CGN: variants seen among roughly 807,000 people sequenced by gnomAD.
CGN encodes the protein cingulin.
CGN carries 121 observed loss-of-function variants against 157.1 expected under a neutral mutation model. The ratio of observed to expected loss-of-function variants is 0.77; its 90% CI spans 0.66 to 0.90. The LOEUF is 0.90. Among genes scored for constraint, CGN ranks in the 40% least tolerant of loss-of-function variants. The pLI is 0.00. For missense variants in CGN, 1,424 were observed against 1,520.9 expected, an observed-to-expected ratio of 0.94 and a Z score of 1.06; for synonymous variants, 535 against 607.5, an observed-to-expected ratio of 0.88 and a Z score of 1.76.
At position 151,532,585 on chromosome 1, in the gene CGN, T is replaced by C; in HGVS notation, c.2742+13T>C. 1 of 1,442,306 alleles carries C rather than the reference T, an allele frequency of 6.9e-7. No homozygotes were observed. The highest frequency in any genetic ancestry group is 9.2e-7 in the Non-Finnish European group (1 of 1,091,158). The allele number at this position is 1,442,306 out of a possible 1,614,324, so 89.3% of individuals were successfully genotyped here. ...ACTTCAGGATGAGGTAGAAGTCTAA[T>C]ATCCTTGGGTTTGAAGGTCCTTGCC... On this transcript the variant is annotated intron_variant, in intron 14 of 20. Coordinates refer to ENST00000271636, the MANE Select transcript of CGN (RefSeq NM_020770.3).
chr1:151,529,491 G>T lies in CGN; in HGVS notation c.2038G>T (p.Glu680Ter), dbSNP rs1664778860. Residue 680 changes from glutamate (E) to a stop codon, truncating the protein, a stop_gained, in exon 11 of 21, where the codon GAA becomes TAA. Coordinates refer to ENST00000271636, the MANE Select transcript of CGN (RefSeq NM_020770.3). LOFTEE classifies it high-confidence loss of function. The part of the protein sequence containing the change: ...RVEADRGREL[E>*]EQNLQLQKTL... The stretch of plus-strand genomic sequence containing the variant: ...CGAGGCTGATCGAGGTCGGGAGCTG[G>T]AAGAACAGAACCTCCAGCTACAAAA... 6.2e-7 allele frequency: 1 copy of T among 1,613,968 alleles called. No individual in the cohort carries two copies. Among genetic ancestry groups the T allele is most frequent in the Non-Finnish European group, 8.5e-7 (1 of 1,179,996 alleles).
chr1:151,524,082 G>A lies in CGN; in HGVS notation c.1269-144G>A, dbSNP rs1571661047. 4 of 692,764 alleles carry A rather than the reference G, an allele frequency of 5.8e-6. No individual in the cohort carries two copies. Among genetic ancestry groups the A allele is most frequent in the Non-Finnish European group, 9.6e-6 (4 of 416,622 alleles). The allele number at this position is 692,764 out of a possible 1,614,324, so 42.9% of individuals were successfully genotyped here. A position where few individuals can be genotyped will look rare whatever the true frequency, so the allele number is the denominator to read the frequency against. On this transcript the variant is annotated intron_variant, in intron 6 of 20. Transcript: ENST00000271636. This position sits in a 1 kb window ranked among gnomAD's most constrained non-coding sequence, Gnocchi z 4.4. ...CAGATCAGGAGGGCCAGGTTGTAGC[G>A]GGGCAGGTTGCAAAAATCAGGGGAG... is the stretch of plus-strand genomic sequence containing the variant.
At chr1:151,521,489 A>C (rs1274044214) in intron 5 of CGN, among the ~76,000 whole-genome samples, 1 of 152,178 alleles carries the variant, frequency 6.6e-6, no homozygotes, top group African/African-American at 2.4e-5. Context: ...GGGGATTATG[A>C]TAGTACTATA....
At chr1:151,533,196 A>G (rs1195194036) in intron 14 of CGN, among the ~76,000 whole-genome samples, 1 of 152,200 alleles carries the variant, frequency 6.6e-6, no homozygotes, top group Non-Finnish European at 1.5e-5. Context: ...ACAATAAAGA[A>G]GCTGAGGACG....
chr1:151,532,402 T>C lies in CGN; in HGVS notation c.2572T>C (p.Leu858=). 2 of 1,555,198 alleles carry C rather than the reference T, an allele frequency of 1.3e-6. No individual in the cohort carries two copies. Among genetic ancestry groups the C allele is most frequent in the Non-Finnish European group, 1.7e-6 (2 of 1,156,226 alleles). ...GAAGACCCTTTTCTCTGTGTTTCAG[T>C]TGGAGAAGATCGGGGAGGACTCTAA... ...DRTVDRLNKE[L]EKIGEDSKQA... The change falls in exon 14 of 21, where the codon TTG becomes CTG. Residue 858 remains leucine (L), a splice_region_variant and synonymous_variant. Transcript: ENST00000271636.
At chr1:151,530,262 C>T in intron 12 of CGN, 147 bp downstream of exon 12, 1 of 1,012,114 alleles carries the variant, frequency 9.9e-7, no homozygotes, top group Non-Finnish European at 1.4e-6. Flanking sequence ...GGTTTATTTC[C>T]TGGTGTATAC....
intron 1 of CGN, among the ~76,000 whole-genome samples, chr1:151,514,600 G>C (rs2102485532): frequency 6.6e-6 from 1 of 152,182 alleles, no homozygotes; most frequent in South Asian, 2.1e-4. Flanking sequence ...AACACCTGGG[G>C]ACACAGTGGT....
In CGN at chr1:151,519,183, G is replaced by A. The variant is rs550262356; in HGVS notation, c.664G>A (p.Asp222Asn). The change falls in exon 2 of 21, where the codon GAC becomes AAC. Residue 222 changes from aspartate to asparagine, a missense_variant. Transcript: ENST00000271636. ...SKSLDSRLPR[D>N]TFEERERQST... ...GAGCCTGGACAGCCGCCTCCCACGG[G>A]ACACCTTTGAGGAACGGGAGCGCCA... is the stretch of plus-strand genomic sequence containing the variant. 4 of 1,614,072 alleles carry A rather than the reference G, an allele frequency of 2.5e-6. No homozygotes were observed. The highest frequency in any genetic ancestry group is 3.3e-5 in the Admixed American group (2 of 60,030).
Position 151,520,582 on chromosome 1 carries a change from C to CA in CGN, c.1045-13dup. 6.2e-7 allele frequency: 1 copy of CA among 1,614,028 alleles called. No individual in the cohort carries two copies. The highest frequency in any genetic ancestry group is 8.5e-7 in the Non-Finnish European group (1 of 1,179,910). ...ACTCACTCCCTTCCCCCACACCCCC[C>CA]ATATCTCTGGCAGATGGTTTCTTCT... On this transcript the variant is annotated splice_polypyrimidine_tract_variant and intron_variant, in intron 4 of 20. Coordinates refer to ENST00000271636, the MANE Select transcript of CGN (RefSeq NM_020770.3).
At position 151,523,620 on chromosome 1, in the gene CGN, C is replaced by T. The variant is rs1664595025; in HGVS notation, c.1268+59C>T. ...TGGGGGCCTAGGCCAGGTTTAGAGGCCACTCCCTCTTTGCCCCTAGGGTTG... is the reference window on the plus strand; with the variant it reads ...TGGGGGCCTAGGCCAGGTTTAGAGGTCACTCCCTCTTTGCCCCTAGGGTTG... On this transcript the variant is annotated intron_variant, in intron 6 of 20. Coordinates refer to ENST00000271636, the MANE Select transcript of CGN (RefSeq NM_020770.3). 4 of 1,485,420 alleles carry T rather than the reference C, an allele frequency of 2.7e-6. No homozygotes were observed. The South Asian group carries it at 5.4e-5, about 20-fold the overall frequency. 92.0% of individuals were successfully genotyped at this position (1,485,420 alleles called of 1,614,324 possible).
chr1:151,524,482 C>A lies in CGN; in HGVS notation c.1401+124C>A. 1.4e-6 allele frequency: 2 copies of A among 1,421,534 alleles called. No homozygotes were observed. Among genetic ancestry groups the A allele is most frequent in the Non-Finnish European group, 1.9e-6 (2 of 1,039,726 alleles). The allele number at this position is 1,421,534 out of a possible 1,614,324, so 88.1% of individuals were successfully genotyped here. A position where few individuals can be genotyped will look rare whatever the true frequency, so the allele number is the denominator to read the frequency against. Reference sequence around the variant, plus strand: ...TGGCTGATTACAGGTACTCAGTGTGCTTTCAGGTAGATTCAATGGTGTGTT... The same window carrying A: ...TGGCTGATTACAGGTACTCAGTGTGATTTCAGGTAGATTCAATGGTGTGTT... On this transcript the variant is annotated intron_variant, in intron 7 of 20. Transcript: ENST00000271636. This position sits in a 1 kb window ranked among gnomAD's most constrained non-coding sequence, Gnocchi z 4.4.
chr1:151,528,764 A>G (rs1664758449), intron 10 of CGN, among the ~76,000 whole-genome samples: 1 of 152,070 alleles, frequency 6.6e-6, no homozygotes, highest in African/African-American at 2.4e-5. Context: ...CTATTTAATT[A>G]CAGAACATTT....
At chr1:151,535,984 C>A in intron 18 of CGN, 86 bp downstream of exon 18, 1 of 1,058,316 alleles carries the variant, frequency 9.4e-7, no homozygotes, top group Non-Finnish European at 1.4e-6. Context: ...CTCCCTCCAT[C>A]TTCCACCTCA....
At chr1:151,537,144 G>T in intron 20 of CGN, 61 bp from the exon 21 acceptor site, 4 of 1,544,078 alleles carry the variant, frequency 2.6e-6, no homozygotes, top group African/African-American at 1.4e-5. Flanking sequence ...GTACAAAAAG[G>T]GTGGCTGTCT....
Position 151,512,356 on chromosome 1 carries a change from C to G in CGN, c.-15+841C>G, listed in dbSNP as rs758065520. Among the ~76,000 whole-genome samples the G allele has an allele frequency of 3.9e-5, 6 of 152,120 alleles. 1 individual carries two copies. Among genetic ancestry groups the G allele is most frequent in the Middle Eastern group, 6.3e-3 (2 of 316 alleles). ...GTACCCACATATTTTTTCTGTGGTT[C>G]TAGATGGGGACCATTGGATGAGGTT... On this transcript the variant is annotated intron_variant, in intron 1 of 20. Transcript: ENST00000271636.
At position 151,518,641 on chromosome 1, in the gene CGN, G is replaced by A. The variant is rs747284823; in HGVS notation, c.122G>A (p.Arg41His). ...GGCACTCTACGTCGAGGTGGACGACGCCCAGCTAAGGATGCAAGAGCCAGT... is the reference window on the plus strand; with the variant it reads ...GGCACTCTACGTCGAGGTGGACGACACCCAGCTAAGGATGCAAGAGCCAGT... ...EMGTLRRGGR[R>H]PAKDARASTY... The change falls in exon 2 of 21, where the codon CGC becomes CAC. Residue 41 changes from arginine to histidine, a missense_variant. Arg to His is a conservative substitution (Grantham distance 29). Around this residue, in one of 3 missense-constraint regions of CGN, gnomAD observed 1,187 missense variants for 1,217.6 expected, o/e 0.97. Coordinates refer to ENST00000271636, the MANE Select transcript of CGN (RefSeq NM_020770.3). The A allele has an allele frequency of 2.6e-5, 42 of 1,613,994 alleles. No homozygotes were observed. Among genetic ancestry groups the A allele is most frequent in the Non-Finnish European group, 3.5e-5 (41 of 1,180,044 alleles).
In CGN at chr1:151,520,210, C is replaced by T; in HGVS notation, c.918C>T (p.Ala306=). 1 of 1,613,970 alleles carries T rather than the reference C, an allele frequency of 6.2e-7. No homozygotes were observed. The highest frequency in any genetic ancestry group is 8.5e-7 in the Non-Finnish European group (1 of 1,179,982). The change falls in exon 3 of 21, where the codon GCC becomes GCT. Residue 306 remains alanine (A), a synonymous_variant. Coordinates refer to ENST00000271636, the MANE Select transcript of CGN (RefSeq NM_020770.3). The part of the protein sequence containing the change: ...PDLLRDQQEA[A]PPGSVDHMKA... ...TCCTTCGAGACCAGCAGGAGGCAGC[C>T]CCACCAGGCAGTGTGGACCATATGA...
At position 151,525,681 on chromosome 1, in the gene CGN, G is replaced by C; in HGVS notation, c.1654G>C (p.Ala552Pro). 6.2e-7 allele frequency: 1 copy of C among 1,611,100 alleles called. No homozygotes were observed. The highest frequency in any genetic ancestry group is 8.5e-7 in the Non-Finnish European group (1 of 1,178,498). The part of the protein sequence containing the change: ...VLEAERQKMS[A>P]LVRGLQRELE... Reference sequence around the variant, plus strand: ...GGAGGCCGAGAGGCAGAAGATGTCAGCCCTTGTGCGAGGGCTGCAGAGGGA... The same window carrying C: ...GGAGGCCGAGAGGCAGAAGATGTCACCCCTTGTGCGAGGGCTGCAGAGGGA... The change falls in exon 9 of 21, where the codon GCC (alanine) becomes CCC (proline). Residue 552 changes from alanine to proline, a missense_variant. Around this residue, in one of 3 missense-constraint regions of CGN, gnomAD observed 1,187 missense variants for 1,217.6 expected, o/e 0.97. Transcript: ENST00000271636.
rs201459105 is a variant in CGN at position 151,534,992 on chromosome 1, C to T, written c.2905-50C>T. ...TGAGAGGCTCCTGGTCTGAGTTTGGCATTCTGGTGTCCAGCATTTGGGACA... is the reference window on the plus strand; with the variant it reads ...TGAGAGGCTCCTGGTCTGAGTTTGGTATTCTGGTGTCCAGCATTTGGGACA... On this transcript the variant is annotated intron_variant, in intron 15 of 20. Transcript: ENST00000271636. 4.2e-5 allele frequency: 56 copies of T among 1,343,158 alleles called. No homozygotes were observed. The East Asian group carries it at 1.2e-3, about 29-fold the overall frequency. The allele number at this position is 1,343,158 out of a possible 1,614,324, so 83.2% of individuals were successfully genotyped here.
Sources: gnomAD v4.1 joint callset for allele counts (sites outside exome capture counted in the v4.1 genomes callset) on GRCh38, gnomAD v4.1.1 for gene constraint, gnomAD v4.1.1 regional missense constraint, Gnocchi (gnomAD v3.1) non-coding constraint, MANE v1.5 for transcripts, NCBI Gene and HGNC (gene_info 2026-07-23, HGNC 2026-07-21) for gene names.